The following ATP1B4 variants were observed in gnomAD, a reference collection of about 807,000 sequenced individuals.
ATP1B4 encodes the protein ATPase Na+/K+ transporting family member beta 4.
A neutral mutation model predicts 29.6 loss-of-function variants in ATP1B4; 32 were observed. The observed-to-expected ratio is 1.08, with a 90% confidence interval of 0.82 to 1.45. The LOEUF (loss-of-function observed/expected upper bound fraction) is 1.45, where lower values mean the gene tolerates loss of function less well. ATP1B4 is among the 40% of genes most tolerant of loss of function. ATP1B4 has a pLI of 0.00. For synonymous variants in ATP1B4, 127 were observed against 102.1 expected (o/e 1.24, Z -1.47); for missense variants, 323 against 276.2 (o/e 1.17, Z -1.20).
rs891701598 is a variant in ATP1B4 at position 120,378,704 on chromosome X, C to T, written c.843C>T (p.Ser281=). ...VQRGDENDIR[S]ISYYPESASF... is the part of the protein sequence containing the mutation. ...GAGGTGATGAAAATGACATCCGATCCATCAGTTACTACCCAGAGTCGGCTT... is the reference window on the plus strand; with the variant it reads ...GAGGTGATGAAAATGACATCCGATCTATCAGTTACTACCCAGAGTCGGCTT... Residue 281 remains serine, a synonymous_variant, in exon 7 of 8, where the codon TCC becomes TCT. Coordinates refer to ENST00000218008, the MANE Select transcript of ATP1B4 (RefSeq NM_001142447.3). The T allele has an allele frequency of 8.3e-7, 1 of 1,210,924 alleles. No homozygotes were observed. Among genetic ancestry groups the T allele is most frequent in the Non-Finnish European group, 1.1e-6 (1 of 894,950 alleles).
intron 6 of ATP1B4, 92 bp downstream of exon 6, chrX:120,376,528 G>A (rs1011061529): frequency 1.2e-6 from 1 of 802,579 alleles, no homozygotes; most frequent in Non-Finnish European, 1.9e-6. Context: ...ATGGATGGTA[G>A]GCTAAGGAAA....
At chrX:120,374,105 T>C (rs1014867654) in intron 4 of ATP1B4, among the ~76,000 whole-genome samples, 3 of 110,830 alleles carry the variant, frequency 2.7e-5, no homozygotes, top group Non-Finnish European at 5.7e-5. Context: ...AGAGACAGAG[T>C]AATCCACACC....
intron 3 of ATP1B4, 41 bp downstream of exon 3, chrX:120,370,884 G>T (rs1363923675): frequency 1.7e-6 from 2 of 1,193,417 alleles, no homozygotes; most frequent in African/African-American, 1.7e-5. Context: ...GAACTTGCTG[G>T]ACAGAAATAT....
At chrX:120,378,904 G>A in intron 7 of ATP1B4, 131 bp downstream of exon 7, 1 of 522,419 alleles carries the variant, frequency 1.9e-6, no homozygotes, top group African/African-American at 2.3e-5. Context: ...ATAACCAGGA[G>A]CTCCCTTTAC....
In ATP1B4 at chrX:120,380,134, G is replaced by T. The variant is rs1403783479; in HGVS notation, c.*500G>T. 9.0e-6 allele frequency: 1 copy of T among 110,986 alleles called. No individual in the cohort carries two copies. Among genetic ancestry groups the T allele is most frequent in the Non-Finnish European group, 1.9e-5 (1 of 53,261 alleles). The allele number at this position is 110,986 out of a possible 1,213,427, so 9.1% of individuals were successfully genotyped here. ...AGTCCCACCTATTCAGGAGATTAAG[G>T]CAGGAGGATCACTTGAGCCCAGGAG... On this transcript the variant is annotated 3_prime_UTR_variant, in exon 8 of 8. Coordinates refer to ENST00000218008, the MANE Select transcript of ATP1B4 (RefSeq NM_001142447.3).
rs759800696 is a variant in ATP1B4 at position 120,368,183 on chromosome X, AGATATGGCAATAGG to A, written c.328+1397_328+1410del. 3.6e-3 allele frequency among the ~76,000 whole-genome samples: 402 copies of A among 112,102 alleles called. 3 individuals are homozygous for A. Among genetic ancestry groups the A allele is most frequent in the Admixed American group, 7.7e-3 (82 of 10,591 alleles). On this transcript the variant is annotated intron_variant, in intron 2 of 7. Transcript: ENST00000218008. ...GGAGGAAGGTTCAAGTGCCCAGAGA[AGATATGGCAATAGG>A]GACACAGCATGATAGGCCGTAGCCA... is the stretch of plus-strand genomic sequence containing the variant.
rs1029890967 is a variant in ATP1B4 at position 120,365,222 on chromosome X, T to G, written c.64-1303T>G. On this transcript the variant is annotated intron_variant, in intron 1 of 7. Transcript: ENST00000218008. ...GGGCCTCAGATGGATAAGTAAATCTTGAAGGTCTCTGTCGGTTCTGATGTG... is the reference window on the plus strand; with the variant it reads ...GGGCCTCAGATGGATAAGTAAATCTGGAAGGTCTCTGTCGGTTCTGATGTG... 4.5e-5 allele frequency among the ~76,000 whole-genome samples: 5 copies of G among 112,179 alleles called. No homozygotes were observed. In the Admixed American group the frequency reaches 4.7e-4, roughly 11 times the overall value.
chrX:120,376,379 G>C lies in ATP1B4; in HGVS notation c.760-1G>C, dbSNP rs200698634. ...ATAAAACACTGGTTTTCTTTTGATA[G>C]ATTGTAGGCTTTCGTCCTGAGCTTG... On this transcript the variant is annotated splice_acceptor_variant, in intron 5 of 7. Coordinates refer to ENST00000218008, the MANE Select transcript of ATP1B4 (RefSeq NM_001142447.3). LOFTEE classifies it high-confidence loss of function. 1.6e-5 allele frequency: 19 copies of C among 1,207,692 alleles called. No homozygotes were observed. The Admixed American group carries it at 1.8e-4, about 11-fold the overall frequency.
chrX:120,371,051 A>G, intron 3 of ATP1B4, 55 bp from the exon 4 acceptor site: 1 of 1,105,660 alleles, frequency 9.0e-7, no homozygotes, highest in South Asian at 1.9e-5. Flanking sequence ...GAATCAATAC[A>G]AAAAAATTAT....
chrX:120,362,371 G>C lies in ATP1B4; in HGVS notation c.63+140G>C, dbSNP rs1303820210. 7.3e-6 allele frequency: 4 copies of C among 550,308 alleles called. No homozygotes were observed. In the East Asian group the frequency reaches 1.4e-4, roughly 20 times the overall value. 45.4% of individuals were successfully genotyped at this position (550,308 alleles called of 1,213,427 possible). Reference sequence around the variant, plus strand: ...ACAGCGAAGTTTAGGGGAGCCCAGGGTTTCAAAAAGGAGCAGTGACTCCCA... The same window carrying C: ...ACAGCGAAGTTTAGGGGAGCCCAGGCTTTCAAAAAGGAGCAGTGACTCCCA... On this transcript the variant is annotated intron_variant, in intron 1 of 7. Coordinates refer to ENST00000218008, the MANE Select transcript of ATP1B4 (RefSeq NM_001142447.3).
rs1056701449 is a variant in ATP1B4, at chrX:120,370,783, A to G, written c.397A>G (p.Thr133Ala). 4.1e-6 allele frequency: 5 copies of G among 1,211,130 alleles called. No homozygotes were observed. Among genetic ancestry groups the G allele is most frequent in the Non-Finnish European group, 5.6e-6 (5 of 895,231 alleles). Residue 133 changes from threonine to alanine, a missense_variant, in exon 3 of 8, where the codon ACA (threonine) becomes GCA (alanine). Physicochemically the swap from Thr to Ala is moderately conservative, Grantham distance 58. Transcript: ENST00000218008. ...TGCTGTGATCACCCTCTGCATGTAC[A>G]CACTATTTCTGACCATCAGTCCCTA... Reference protein sequence around the residue: ...LAAVITLCMYTLFLTISPYIP... With the variant: ...LAAVITLCMYALFLTISPYIP...
chrX:120,374,684 C>T (rs867013923), intron 4 of ATP1B4, among the ~76,000 whole-genome samples: 1,427 of 40,975 alleles, frequency 0.035, 156 homozygotes, highest in Non-Finnish European at 0.059. Flanking sequence ...ATATTATATA[C>T]CCTTATATAT....
Position 120,378,742 on chromosome X carries a change from G to A in ATP1B4, c.881G>A (p.Arg294His), listed in dbSNP as rs1474696690. 1.1e-5 allele frequency: 13 copies of A among 1,210,553 alleles called. No homozygotes were observed. In the South Asian group the frequency reaches 1.8e-4, roughly 16 times the overall value. Reference sequence around the variant, plus strand: ...CCAGAGTCGGCTTCTTTTGACCTCCGCTACTACCCTTACTACGGCAAACTG... The same window carrying A: ...CCAGAGTCGGCTTCTTTTGACCTCCACTACTACCCTTACTACGGCAAACTG... ...YYPESASFDLRYYPYYGKLTH... is the reference protein window; with the variant it reads ...YYPESASFDLHYYPYYGKLTH... The change falls in exon 7 of 8, where the codon CGC (arginine) becomes CAC (histidine). Residue 294 changes from arginine (R) to histidine (H), a missense_variant. Arg to His is a conservative substitution (Grantham distance 29). Coordinates refer to ENST00000218008, the MANE Select transcript of ATP1B4 (RefSeq NM_001142447.3).
chrX:120,371,784 T>G (rs2147252064), intron 4 of ATP1B4, among the ~76,000 whole-genome samples: 1 of 112,217 alleles, frequency 8.9e-6, no homozygotes, highest in African/African-American at 3.2e-5. Context: ...TTATCCTGCC[T>G]CAGCCTCCTG....
intron 4 of ATP1B4, among the ~76,000 whole-genome samples, chrX:120,372,680 C>T (rs1221206646): frequency 8.9e-6 from 1 of 112,308 alleles, no homozygotes; most frequent in African/African-American, 3.2e-5. Context: ...AAAAAATCCA[C>T]AGGTGATTTG....
At chrX:120,373,571 C>T (rs138972336) in intron 4 of ATP1B4, among the ~76,000 whole-genome samples, 1,890 of 112,068 alleles carry the variant, frequency 0.017, 46 homozygotes, top group African/African-American at 0.058. Context: ...TGGGCTCCAT[C>T]ATTTAGAATC....
At chrX:120,375,234 A>G in intron 4 of ATP1B4, 138 bp from the exon 5 acceptor site, 1 of 519,345 alleles carries the variant, frequency 1.9e-6, no homozygotes, top group African/African-American at 2.4e-5. Context: ...ATGCCAGGTC[A>G]CAGGTAGACT....
chrX:120,382,745 G>A lies in ATP1B4; in HGVS notation c.*3111G>A, dbSNP rs753165695. On this transcript the variant is annotated 3_prime_UTR_variant, in exon 8 of 8. Transcript: ENST00000218008. ...GTTAAATGCATTGACTATTAGACAA[G>A]GAATTATGAATCATTTGTCAAATAA... is the stretch of plus-strand genomic sequence containing the variant. The A allele has an allele frequency of 1.2e-3, 135 of 112,255 alleles. 2 individuals are homozygous for A. The highest frequency in any genetic ancestry group is 4.2e-3 in the African/African-American group (131 of 30,993). The allele number at this position is 112,255 out of a possible 1,213,427, so 9.3% of individuals were successfully genotyped here.
chrX:120,371,494 C>A (rs1453693572), intron 4 of ATP1B4, among the ~76,000 whole-genome samples: 2 of 111,638 alleles, frequency 1.8e-5, no homozygotes, highest in African/African-American at 6.5e-5. Flanking sequence ...CCCATTTAAG[C>A]CCTGAACATA....
Sources: allele counts gnomAD v4.1 joint callset (sites outside exome capture counted in the v4.1 genomes callset), GRCh38; gene constraint gnomAD v4.1.1; transcripts MANE v1.5; gene names NCBI Gene and HGNC (gene_info 2026-07-23, HGNC 2026-07-21).